The following SAMD3 variants were observed in gnomAD, a reference collection of about 807,000 sequenced individuals.
SAMD3 encodes the protein sterile alpha motif domain-containing protein 3.
Under a neutral mutation model 58.5 loss-of-function variants are expected in SAMD3, and 63 were observed. The ratio of observed to expected loss-of-function variants is 1.08; its 90% CI spans 0.88 to 1.33. The LOEUF is 1.33. Ranked by LOEUF, SAMD3 falls within the 40% of genes most tolerant of loss-of-function variation. The pLI, the probability that SAMD3 is intolerant of heterozygous loss-of-function variation, is 0.00. For missense variants in SAMD3, 604 were observed against 608.4 expected (o/e 0.99, Z 0.08); for synonymous variants, 220 against 210.3 (o/e 1.05, Z -0.40).
At chr6:130,144,836 A>G (rs988720569) in intron 11 of SAMD3, 32 bp from the exon 12 acceptor site, 1 of 1,568,966 alleles carries the variant, frequency 6.4e-7, no homozygotes, top group African/African-American at 1.4e-5. Flanking sequence ...TTACCATGAT[A>G]CGTAAAATAG....
intron 7 of SAMD3, among the ~76,000 whole-genome samples, chr6:130,178,377 G>GAAGGGAAAAAAAA (rs1791938431): frequency 6.9e-6 from 1 of 144,968 alleles, no homozygotes. Context: ...TGAGTGCGGG[G>GAAGGGAAAAAAAA]AAGGGAAAAA....
intron 2 of SAMD3, among the ~76,000 whole-genome samples, chr6:130,267,045 T>C (rs746876738): frequency 2.0e-5 from 3 of 152,192 alleles, no homozygotes; most frequent in Non-Finnish European, 2.9e-5. Flanking sequence ...AGGAATGCTA[T>C]CTATCAAAAT....
At chr6:130,219,670 C>G (rs952976939) in intron 1 of SAMD3, among the ~76,000 whole-genome samples, 3 of 152,088 alleles carry the variant, frequency 2.0e-5, no homozygotes, top group Admixed American at 6.5e-5. Flanking sequence ...TAATTCATTC[C>G]TTTTTATGGT....
At chr6:130,266,208 T>A (rs531448163) in intron 2 of SAMD3, among the ~76,000 whole-genome samples, 1 of 152,336 alleles carries the variant, frequency 6.6e-6, no homozygotes, top group South Asian at 2.1e-4. Flanking sequence ...CCTTCTATGA[T>A]GAACTGAATG....
intron 8 of SAMD3, among the ~76,000 whole-genome samples, chr6:130,158,205 T>C (rs1340390329): frequency 1.3e-5 from 2 of 152,174 alleles, no homozygotes; most frequent in African/African-American, 4.8e-5. Context: ...TTATCAGAAC[T>C]TGACTAGCTG....
At chr6:130,191,049 T>C (rs1265609684) in intron 5 of SAMD3, among the ~76,000 whole-genome samples, 1 of 151,574 alleles carries the variant, frequency 6.6e-6, no homozygotes, top group African/African-American at 2.4e-5. Context: ...CATTCAATAC[T>C]TGACCATACT....
chr6:130,231,785 G>T (rs571290299), intron 2 of SAMD3, among the ~76,000 whole-genome samples: 2 of 152,158 alleles, frequency 1.3e-5, no homozygotes, highest in African/African-American at 4.8e-5. Context: ...GGAATATTCA[G>T]TCAAAAGGTA....
intron 5 of SAMD3, among the ~76,000 whole-genome samples, chr6:130,193,004 G>A (rs9492484): frequency 0.38 from 57,154 of 151,924 alleles, 11,485 homozygotes; most frequent in African/African-American, 0.48. Flanking sequence ...AAGGAGACAC[G>A]TTTCATCCGT....
chr6:130,267,515 A>G (rs1774403515), intron 2 of SAMD3, among the ~76,000 whole-genome samples: 1 of 152,172 alleles, frequency 6.6e-6, no homozygotes, highest in Admixed American at 6.5e-5. Flanking sequence ...GAGAGAACAG[A>G]GACAGACCCT....
rs1773617693 is a variant in SAMD3 at position 130,248,176 on chromosome 6, TTGCGTG to T, written c.-187-25369_-187-25364del. The stretch of plus-strand genomic sequence containing the variant: ...CTGAATCATTTCATTTTTAAGTGTT[TTGCGTG>T]TGTGTGTGTGTGTGTGTGTGTGTGT... On this transcript the variant is annotated intron_variant, in intron 2 of 13. Transcript: ENST00000368134. Among the ~76,000 whole-genome samples the T allele has an allele frequency of 2.5e-5, 3 of 119,704 alleles. No homozygotes were observed. The Admixed American group carries it at 2.6e-4, about 10-fold the overall frequency. 78.5% of individuals were successfully genotyped at this position (119,704 alleles called of 152,430 possible).
chr6:130,361,377 G>T (rs564396802), intron 1 of SAMD3, among the ~76,000 whole-genome samples: 15 of 152,108 alleles, frequency 9.9e-5, no homozygotes, highest in Non-Finnish European at 4.4e-5. Context: ...AACATGAAAG[G>T]GTATTCCCTG....
At position 130,164,709 on chromosome 6, in the gene SAMD3, C is replaced by A. The variant is rs78620372; in HGVS notation, c.823-9684G>T. On this transcript the variant is annotated intron_variant, in intron 8 of 11. Transcript: ENST00000439090. ...ATCCCCCTTACCCAAGGACATGGCT[C>A]GATCATCTAGAATGTTGTCAGTTGT... 1.9e-3 allele frequency among the ~76,000 whole-genome samples: 291 copies of A among 151,854 alleles called. 2 individuals are homozygous for A. Among genetic ancestry groups the A allele is most frequent in the African/African-American group, 6.9e-3 (286 of 41,388 alleles).
chr6:130,209,758 GA>G lies in SAMD3; in HGVS notation c.270-151del, dbSNP rs971725279. On this transcript the variant is annotated intron_variant, in intron 4 of 11. Coordinates refer to ENST00000439090, the MANE Select transcript of SAMD3 (RefSeq NM_001017373.4). ...CGTTAGACTCATGACTAAGAGAATG[GA>G]AAGAAGGCCCCTCTGGCGTCATCTA... 5 of 534,816 alleles carry G rather than the reference GA, an allele frequency of 9.3e-6. No homozygotes were observed. In the African/African-American group the frequency reaches 9.6e-5, roughly 10 times the overall value. 33.1% of individuals were successfully genotyped at this position (534,816 alleles called of 1,614,324 possible).
At chr6:130,297,058 C>A (rs896361555) in intron 2 of SAMD3, among the ~76,000 whole-genome samples, 8 of 152,172 alleles carry the variant, frequency 5.3e-5, no homozygotes, top group Non-Finnish European at 1.2e-4. Context: ...ACTTAAGCAC[C>A]ATCTATTGGA....
intron 1 of SAMD3, among the ~76,000 whole-genome samples, chr6:130,219,134 CAT>C (rs943643055): frequency 1.3e-5 from 2 of 152,114 alleles, no homozygotes; most frequent in Non-Finnish European, 2.9e-5. Context: ...TTTTAGGAAA[CAT>C]AGATATTTAT....
chr6:130,312,491 C>T (rs1213070986), intron 2 of SAMD3, among the ~76,000 whole-genome samples: 1 of 152,172 alleles, frequency 6.6e-6, no homozygotes, highest in Admixed American at 6.5e-5. Flanking sequence ...TTTTAACCAT[C>T]TATGGGTCCA....
intron 8 of SAMD3, among the ~76,000 whole-genome samples, chr6:130,165,298 C>G (rs1790628872): frequency 6.6e-6 from 1 of 152,050 alleles, no homozygotes. Flanking sequence ...ATTAAACTAA[C>G]TGACAAAGAT....
intron 2 of SAMD3, among the ~76,000 whole-genome samples, chr6:130,272,502 T>C (rs1003166510): frequency 6.6e-6 from 1 of 152,204 alleles, no homozygotes; most frequent in African/African-American, 2.4e-5. Context: ...TTCTGATGTA[T>C]ATAAACAATG....
chr6:130,170,199 G>A (rs1562391308), intron 8 of SAMD3, among the ~76,000 whole-genome samples: 1 of 152,094 alleles, frequency 6.6e-6, no homozygotes, highest in Non-Finnish European at 1.5e-5. Flanking sequence ...CCCTCCCCTT[G>A]TCCCCCACCG....
Sources: allele counts gnomAD v4.1 joint callset (sites outside exome capture counted in the v4.1 genomes callset), GRCh38; gene constraint gnomAD v4.1.1; transcripts MANE v1.5; gene names NCBI Gene and HGNC (gene_info 2026-07-23, HGNC 2026-07-21).